The following DPYD variants were observed in gnomAD, a reference collection of about 807,000 sequenced individuals.
The protein encoded by DPYD is dihydropyrimidine dehydrogenase, also known as dihydropyrimidine dehydrogenase [NADP(+)].
Under a neutral mutation model 116.2 loss-of-function variants are expected in DPYD, and 109 were observed. That is an observed-to-expected ratio of 0.94 (90% CI 0.80 to 1.10). The LOEUF (loss-of-function observed/expected upper bound fraction) is 1.10, where lower values mean the gene tolerates loss of function less well. Ranked by LOEUF, DPYD falls within the 50% of genes least tolerant of loss-of-function variation. DPYD has a pLI of 0.00. For missense variants in DPYD, 1,302 were observed against 1,254.5 expected (o/e 1.04, Z -0.57); for synonymous variants, 440 against 432.0 (o/e 1.02, Z -0.23).
chr1:97,630,133 T>C (rs886885112), intron 8 of DPYD, among the ~76,000 whole-genome samples: 4 of 151,958 alleles, frequency 2.6e-5, no homozygotes, highest in African/African-American at 4.8e-5. Context: ...CTATGCTGTT[T>C]ATAGTTTTTG....
chr1:97,212,037 TTAAG>T (rs1333887094), intron 19 of DPYD, among the ~76,000 whole-genome samples: 1 of 152,164 alleles, frequency 6.6e-6, no homozygotes, highest in Non-Finnish European at 1.5e-5. Context: ...TAAGCTATCT[TTAAG>T]TATGTGGGTT....
At chr1:97,757,306 A>AAGAAGC (rs145060404) in intron 3 of DPYD, among the ~76,000 whole-genome samples, 3,720 of 152,250 alleles carry the variant, frequency 0.024, 144 homozygotes, top group African/African-American at 0.085. Flanking sequence ...CTAAGTCAAA[A>AAGAAGC]AGAAGCAGGA....
intron 19 of DPYD, among the ~76,000 whole-genome samples, chr1:97,204,406 GACAA>G: frequency 6.6e-6 from 1 of 152,252 alleles, no homozygotes; most frequent in African/African-American, 2.4e-5. Flanking sequence ...CATGGTTACA[GACAA>G]ACAAATGCAA....
At chr1:97,620,280 G>A (rs993437136) in intron 8 of DPYD, among the ~76,000 whole-genome samples, 17 of 152,084 alleles carry the variant, frequency 1.1e-4, no homozygotes, top group African/African-American at 3.6e-4. Context: ...TGGCATGATC[G>A]TAGCACACAC....
Position 97,513,887 on chromosome 1 carries a change from C to T in DPYD, c.1740+1839G>A, listed in dbSNP as rs148166201. 3.3e-5 allele frequency among the ~76,000 whole-genome samples: 5 copies of T among 151,890 alleles called. No individual in the cohort carries two copies. The East Asian group carries it at 5.8e-4, about 18-fold the overall frequency. ...GCAAACGGACTACTCTGCAAAATCA[C>T]GTATGGAAAATAATCTTTTTTGAAA... On this transcript the variant is annotated intron_variant, in intron 13 of 22. Transcript: ENST00000370192.
intron 15 of DPYD, among the ~76,000 whole-genome samples, chr1:97,380,693 T>C (rs1249323521): frequency 2.0e-5 from 3 of 152,200 alleles, no homozygotes; most frequent in Non-Finnish European, 2.9e-5. Flanking sequence ...GTGGTGTCTC[T>C]GATTTCTTAC....
intron 18 of DPYD, among the ~76,000 whole-genome samples, chr1:97,259,675 G>C (rs2100844339): frequency 6.6e-6 from 1 of 152,270 alleles, no homozygotes; most frequent in South Asian, 2.1e-4. Context: ...AGACTGGTGA[G>C]TGAAAACTGT....
chr1:97,156,323 A>G (rs570277167), intron 20 of DPYD, among the ~76,000 whole-genome samples: 1 of 152,284 alleles, frequency 6.6e-6, no homozygotes, highest in East Asian at 1.9e-4. Context: ...ATCAGAGTAA[A>G]CAGGCAACCT....
chr1:97,905,165 T>C (rs1011941610), intron 1 of DPYD, among the ~76,000 whole-genome samples: 2 of 152,190 alleles, frequency 1.3e-5, no homozygotes, highest in Non-Finnish European at 2.9e-5. Flanking sequence ...TTGAACACTG[T>C]AGTGCAAATT....
At chr1:97,553,818 C>G (rs1000796309) in intron 11 of DPYD, among the ~76,000 whole-genome samples, 11 of 152,056 alleles carry the variant, frequency 7.2e-5, no homozygotes, top group African/African-American at 2.4e-4. Flanking sequence ...AATCCCAAAA[C>G]ATGCTTATTC....
intron 8 of DPYD, among the ~76,000 whole-genome samples, chr1:97,656,291 G>C (rs1313317486): frequency 6.6e-6 from 1 of 152,128 alleles, no homozygotes; most frequent in Admixed American, 6.5e-5. Flanking sequence ...TTTCTGTCTT[G>C]TGTCCTCTGG....
intron 16 of DPYD, among the ~76,000 whole-genome samples, chr1:97,307,864 T>A (rs1164710809): frequency 1.3e-5 from 2 of 151,902 alleles, no homozygotes; most frequent in Non-Finnish European, 2.9e-5. Context: ...AAGTTATGAA[T>A]TTCCATGGGA....
chr1:97,846,789 A>T (rs1236066029), intron 2 of DPYD, among the ~76,000 whole-genome samples: 3 of 152,232 alleles, frequency 2.0e-5, no homozygotes, highest in African/African-American at 7.2e-5. Flanking sequence ...ATAGGAAAAC[A>T]ATCACATCAT....
intron 18 of DPYD, among the ~76,000 whole-genome samples, chr1:97,299,097 G>C (rs911778394): frequency 9.9e-5 from 15 of 152,128 alleles, no homozygotes; most frequent in African/African-American, 3.4e-4. Flanking sequence ...GAAGCTTACA[G>C]AGATGTGTAG....
chr1:97,696,314 C>G (rs1198396312), intron 6 of DPYD, among the ~76,000 whole-genome samples: 1 of 151,960 alleles, frequency 6.6e-6, no homozygotes, highest in Non-Finnish European at 1.5e-5. Flanking sequence ...GGAAGAGAAG[C>G]AACATTGATC....
At chr1:97,244,875 C>A (rs1261047218) in intron 18 of DPYD, among the ~76,000 whole-genome samples, 2 of 152,072 alleles carry the variant, frequency 1.3e-5, no homozygotes, top group Non-Finnish European at 2.9e-5. Context: ...GACCAGAGTT[C>A]TAACTCAGTT....
chr1:97,561,641 A>G (rs1053752575), intron 11 of DPYD, among the ~76,000 whole-genome samples: 8 of 152,328 alleles, frequency 5.3e-5, no homozygotes, highest in African/African-American at 1.4e-4. Context: ...TTAGATTTCC[A>G]GTACCACAAT....
At chr1:97,663,977 T>TG (rs1442585957) in intron 8 of DPYD, among the ~76,000 whole-genome samples, 1 of 152,070 alleles carries the variant, frequency 6.6e-6, no homozygotes, top group East Asian at 1.9e-4. Context: ...TTATATATTG[T>TG]GGGAAAAAAG....
intron 13 of DPYD, among the ~76,000 whole-genome samples, chr1:97,483,121 A>G (rs1050128684): frequency 1.1e-4 from 17 of 152,186 alleles, no homozygotes; most frequent in African/African-American, 3.6e-4. Context: ...AGTCAAAGCT[A>G]TCAGATAACT....
Sources: allele counts gnomAD v4.1 joint callset (sites outside exome capture counted in the v4.1 genomes callset), GRCh38; gene constraint gnomAD v4.1.1; transcripts MANE v1.5; gene names NCBI Gene and HGNC (gene_info 2026-07-23, HGNC 2026-07-21).